Variants in OPCML observed in about 807,000 individuals in gnomAD.
OPCML encodes opioid binding protein/cell adhesion molecule like.
Under a neutral mutation model 37.8 loss-of-function variants are expected in OPCML, and 13 were observed. That is an observed-to-expected ratio of 0.34 (90% confidence interval 0.22 to 0.55). The LOEUF is 0.55. Ranked by LOEUF, OPCML falls within the 20% of genes least tolerant of loss-of-function variation. The pLI is 0.91. For missense variants in OPCML, 341 were observed against 435.6 expected, an observed-to-expected ratio of 0.78 and a Z score of 1.93; for synonymous variants, 176 against 168.8, an observed-to-expected ratio of 1.04 and a Z score of -0.33.
intron 2 of OPCML, among the ~76,000 whole-genome samples, chr11:132,880,873 C>T (rs1396984107): frequency 5.9e-5 from 9 of 152,202 alleles, no homozygotes; most frequent in Admixed American, 5.9e-4. Context: ...TATTTCTTCC[C>T]GTGTCTCTGA....
At chr11:133,261,963 C>T (rs1004066454) in intron 1 of OPCML, among the ~76,000 whole-genome samples, 11 of 152,272 alleles carry the variant, frequency 7.2e-5, no homozygotes, top group African/African-American at 2.6e-4. Flanking sequence ...CATCCGGGCA[C>T]CATTGTTCCT....
At chr11:133,410,875 G>A (rs1306220713) in intron 1 of OPCML, among the ~76,000 whole-genome samples, 2 of 152,114 alleles carry the variant, frequency 1.3e-5, no homozygotes, top group Non-Finnish European at 2.9e-5. Flanking sequence ...AAAGGTAACT[G>A]AGAAGAGCCT....
intron 3 of OPCML, among the ~76,000 whole-genome samples, chr11:132,534,917 C>A (rs867258643): frequency 6.6e-5 from 10 of 152,070 alleles, no homozygotes; most frequent in African/African-American, 2.4e-4. Context: ...ATGGCTTAAT[C>A]TGTGCCTAAT....
At chr11:132,767,205 A>G (rs1253584086) in intron 2 of OPCML, among the ~76,000 whole-genome samples, 1 of 152,202 alleles carries the variant, frequency 6.6e-6, no homozygotes, top group Non-Finnish European at 1.5e-5. Flanking sequence ...AGGAGTTTAT[A>G]TATGTAGACT....
At chr11:133,120,185 T>C (rs1949398729) in intron 1 of OPCML, among the ~76,000 whole-genome samples, 1 of 152,216 alleles carries the variant, frequency 6.6e-6, no homozygotes, top group African/African-American at 2.4e-5. Context: ...CATGTATATG[T>C]GTGTATACAT....
intron 1 of OPCML, among the ~76,000 whole-genome samples, chr11:133,444,075 A>T (rs895735522): frequency 3.3e-5 from 5 of 152,132 alleles, no homozygotes; most frequent in African/African-American, 1.2e-4. Context: ...CTCTATTTGC[A>T]CTGGAAACCT....
chr11:133,351,194 T>C (rs1241161360), intron 1 of OPCML, among the ~76,000 whole-genome samples: 1 of 152,200 alleles, frequency 6.6e-6, no homozygotes, highest in Non-Finnish European at 1.5e-5. Flanking sequence ...ATCTAGTTTT[T>C]GTGGTCTGGG....
intron 4 of OPCML, among the ~76,000 whole-genome samples, chr11:132,509,007 A>G (rs2096263278): frequency 6.6e-6 from 1 of 152,218 alleles, no homozygotes; most frequent in Admixed American, 6.5e-5. Context: ...ACCTCCCTAA[A>G]TACTTGTCAA....
At chr11:132,764,995 C>T (rs891487931) in intron 2 of OPCML, among the ~76,000 whole-genome samples, 2 of 152,194 alleles carry the variant, frequency 1.3e-5, no homozygotes, top group African/African-American at 2.4e-5. Flanking sequence ...TGATTTCCCC[C>T]TTGCATTTGA....
At chr11:133,410,320 G>GA (rs2136864805) in intron 1 of OPCML, among the ~76,000 whole-genome samples, 1 of 152,248 alleles carries the variant, frequency 6.6e-6, no homozygotes, top group South Asian at 2.1e-4. Flanking sequence ...AAATTCATCT[G>GA]ACGACCCTAA....
chr11:133,409,460 C>T (rs1022141017), intron 1 of OPCML, among the ~76,000 whole-genome samples: 1 of 152,200 alleles, frequency 6.6e-6, no homozygotes, highest in African/African-American at 2.4e-5. Flanking sequence ...CTAAAAGCAT[C>T]TAGTCTCCCA....
At chr11:132,740,266 T>C (rs1945394457) in intron 2 of OPCML, among the ~76,000 whole-genome samples, 1 of 152,194 alleles carries the variant, frequency 6.6e-6, no homozygotes, top group Non-Finnish European at 1.5e-5. Context: ...AGTCTGGTCC[T>C]CCCCTGCCCC....
intron 1 of OPCML, among the ~76,000 whole-genome samples, chr11:133,447,447 G>C (rs111798011): frequency 3.3e-5 from 5 of 152,184 alleles, no homozygotes; most frequent in African/African-American, 1.2e-4. Context: ...GCTGAGGTTT[G>C]AGGTATGAAT....
intron 1 of OPCML, among the ~76,000 whole-genome samples, chr11:132,950,347 A>G (rs1426548413): frequency 6.6e-6 from 1 of 152,180 alleles, no homozygotes; most frequent in Non-Finnish European, 1.5e-5. Context: ...AATAGTAGTT[A>G]GGACTTCCTG....
chr11:133,442,728 T>A (rs1946389188), intron 1 of OPCML, among the ~76,000 whole-genome samples: 1 of 116,900 alleles, frequency 8.6e-6, no homozygotes, highest in Non-Finnish European at 1.6e-5. Context: ...TATTTAAACG[T>A]GTGTGTGTGT....
intron 2 of OPCML, among the ~76,000 whole-genome samples, chr11:132,761,767 C>T (rs1033151793): frequency 3.3e-5 from 5 of 152,050 alleles, no homozygotes; most frequent in African/African-American, 7.2e-5. Flanking sequence ...TCCTTTAGCT[C>T]GGAAGAGTTT....
intron 1 of OPCML, among the ~76,000 whole-genome samples, chr11:133,293,843 C>T (rs1380895437): frequency 6.6e-6 from 1 of 150,504 alleles, no homozygotes; most frequent in Non-Finnish European, 1.5e-5. Flanking sequence ...GAAGAGTCTG[C>T]TCTCTTTGAG....
chr11:132,504,663 C>T lies in OPCML; in HGVS notation c.505+24398G>A, dbSNP rs550850164. Among the ~76,000 whole-genome samples the T allele has an allele frequency of 5.3e-5, 8 of 152,064 alleles. No individual in the cohort carries two copies. The South Asian group carries it at 1.2e-3, about 24-fold the overall frequency. On this transcript the variant is annotated intron_variant, in intron 4 of 7. Transcript: ENST00000524381. ...AGGAGTTTCTCACCACAAGAACTCT[C>T]GGTGTCGTCAGGGCATGGCATGGCA... is the stretch of plus-strand genomic sequence containing the variant.
In OPCML at chr11:132,570,782, T is replaced by G. The variant is rs1246142512; in HGVS notation, c.380-41596A>C. ...ATATATATATATATATATATATATA[T>G]ATATATATATATATATATATTTAGA... On this transcript the variant is annotated intron_variant, in intron 3 of 7. Coordinates refer to ENST00000524381, the MANE Select transcript of OPCML (RefSeq NM_001012393.5). Among the ~76,000 whole-genome samples, 80 of 107,890 alleles carry G rather than the reference T, an allele frequency of 7.4e-4. 1 individual carries two copies. Among genetic ancestry groups the G allele is most frequent in the Non-Finnish European group, 1.2e-3 (62 of 51,734 alleles). The allele number at this position is 107,890 out of a possible 152,430, so 70.8% of individuals were successfully genotyped here. A position where few individuals can be genotyped will look rare whatever the true frequency, so the allele number is the denominator to read the frequency against.
Sources: allele counts gnomAD v4.1 joint callset (sites outside exome capture counted in the v4.1 genomes callset), GRCh38; gene constraint gnomAD v4.1.1; transcripts MANE v1.5; gene names NCBI Gene and HGNC (gene_info 2026-07-23, HGNC 2026-07-21).